ZDHHC14: variants seen among roughly 807,000 people sequenced by gnomAD.
The protein encoded by ZDHHC14 is palmitoyltransferase ZDHHC14.
A neutral mutation model predicts 47.7 loss-of-function variants in ZDHHC14; 16 were observed. That is an observed-to-expected ratio of 0.34 (90% CI 0.23 to 0.51). The LOEUF is 0.51. Ranked by LOEUF, ZDHHC14 falls within the 20% of genes least tolerant of loss-of-function variation. The pLI is 0.97. For synonymous variants in ZDHHC14, 293 were observed against 278.9 expected, an observed-to-expected ratio of 1.05 and a Z score of -0.50; for missense variants, 515 against 662.5, an observed-to-expected ratio of 0.78 and a Z score of 2.44.
intron 8 of ZDHHC14, among the ~76,000 whole-genome samples, chr6:157,663,006 A>G (rs1778409777): frequency 6.6e-6 from 1 of 152,246 alleles, no homozygotes; most frequent in African/African-American, 2.4e-5. Flanking sequence ...GGTTTTTCTT[A>G]CTTCATCAGA....
intron 1 of ZDHHC14, among the ~76,000 whole-genome samples, chr6:157,399,643 A>G (rs143152216): frequency 1.7e-3 from 259 of 152,352 alleles, no homozygotes; most frequent in African/African-American, 5.9e-3. Context: ...ACTTCCCACC[A>G]CTGGAGCGGC....
At chr6:157,613,139 C>T (rs1413749763) in intron 3 of ZDHHC14, among the ~76,000 whole-genome samples, 2 of 152,312 alleles carry the variant, frequency 1.3e-5, no homozygotes, top group Admixed American at 6.5e-5. Context: ...GCAACCTACA[C>T]GTGTATTTAT....
At chr6:157,533,668 A>G in intron 1 of ZDHHC14, among the ~76,000 whole-genome samples, 1 of 152,188 alleles carries the variant, frequency 6.6e-6, no homozygotes, top group East Asian at 1.9e-4. Flanking sequence ...AGTTCTGAGC[A>G]GAGGAGGGAC....
intron 7 of ZDHHC14, among the ~76,000 whole-genome samples, chr6:157,649,021 C>G (rs1777693023): frequency 2.0e-5 from 3 of 152,204 alleles, no homozygotes; most frequent in African/African-American, 7.2e-5. Context: ...AGACCACAAA[C>G]TGTCACAACC....
At chr6:157,625,538 A>G (rs1240752523) in intron 3 of ZDHHC14, among the ~76,000 whole-genome samples, 3 of 152,130 alleles carry the variant, frequency 2.0e-5, no homozygotes, top group African/African-American at 4.8e-5. Flanking sequence ...CCTGGGTGCA[A>G]CTGATCATCA....
intron 2 of ZDHHC14, among the ~76,000 whole-genome samples, chr6:157,543,124 A>G (rs1198843427): frequency 2.0e-5 from 3 of 152,170 alleles, no homozygotes; most frequent in African/African-American, 7.2e-5. Context: ...ACCAGTTTCC[A>G]TGATATAAAT....
chr6:157,499,958 A>T (rs1780158253), intron 1 of ZDHHC14, among the ~76,000 whole-genome samples: 1 of 152,220 alleles, frequency 6.6e-6, no homozygotes, highest in Non-Finnish European at 1.5e-5. Flanking sequence ...CAAGGGGCTT[A>T]TGTTCTAGTA....
chr6:157,627,399 C>T (rs556587592), intron 3 of ZDHHC14, among the ~76,000 whole-genome samples: 1 of 152,344 alleles, frequency 6.6e-6, no homozygotes, highest in South Asian at 2.1e-4. Flanking sequence ...CCAGCCGCCA[C>T]AGGCAGTCTT....
At position 157,479,738 on chromosome 6, in the gene ZDHHC14, A is replaced by G. The variant is rs749053904; in HGVS notation, c.246-62847A>G. 1.3e-5 allele frequency among the ~76,000 whole-genome samples: 2 copies of G among 152,338 alleles called. 1 individual carries two copies. The highest frequency in any genetic ancestry group is 4.1e-4 in the South Asian group (2 of 4,824). ...AAGGGAAAGAATTCACTCGATATGT[A>G]TGAAGTAGAGTTGTGCAAAAACAAA... is the stretch of plus-strand genomic sequence containing the variant. On this transcript the variant is annotated intron_variant, in intron 1 of 8. Coordinates refer to ENST00000359775, the MANE Select transcript of ZDHHC14 (RefSeq NM_024630.3).
At chr6:157,413,801 T>A (rs556658781) in intron 1 of ZDHHC14, among the ~76,000 whole-genome samples, 30 of 152,320 alleles carry the variant, frequency 2.0e-4, no homozygotes, top group African/African-American at 6.3e-4. Flanking sequence ...ATTCCATCCA[T>A]GTGGCTTCTC....
intron 1 of ZDHHC14, among the ~76,000 whole-genome samples, chr6:157,526,545 T>G (rs1468467107): frequency 6.6e-6 from 1 of 152,218 alleles, no homozygotes; most frequent in Non-Finnish European, 1.5e-5. Context: ...GGATAGTACC[T>G]CTCTTGTATC....
chr6:157,447,022 G>T (rs1267817425), intron 1 of ZDHHC14, among the ~76,000 whole-genome samples: 4 of 152,024 alleles, frequency 2.6e-5, no homozygotes, highest in Non-Finnish European at 4.4e-5. Context: ...GGGAGGTTGA[G>T]GCAGGAGAAT....
At chr6:157,576,971 G>C (rs1023496267) in intron 2 of ZDHHC14, among the ~76,000 whole-genome samples, 1 of 152,138 alleles carries the variant, frequency 6.6e-6, no homozygotes, top group African/African-American at 2.4e-5. Context: ...TCATCACCCA[G>C]GTACTACCCC....
At chr6:157,662,192 A>T (rs1365692018) in intron 8 of ZDHHC14, among the ~76,000 whole-genome samples, 2 of 151,626 alleles carry the variant, frequency 1.3e-5, no homozygotes, top group African/African-American at 4.8e-5. Flanking sequence ...TTATTTTATT[A>T]TTTTTTTGAG....
At chr6:157,556,143 G>A (rs1293413265) in intron 2 of ZDHHC14, among the ~76,000 whole-genome samples, 4 of 152,106 alleles carry the variant, frequency 2.6e-5, no homozygotes, top group Admixed American at 1.3e-4. Context: ...GCTGCCAAGC[G>A]TGGCGTACTC....
chr6:157,647,426 C>A, intron 7 of ZDHHC14, 58 bp downstream of exon 7: 3 of 1,414,736 alleles, frequency 2.1e-6, no homozygotes, highest in Non-Finnish European at 2.9e-6. Context: ...AATGCCTCGG[C>A]CGTTAGCACA....
At chr6:157,612,589 G>A (rs1784794565) in intron 3 of ZDHHC14, among the ~76,000 whole-genome samples, 1 of 152,128 alleles carries the variant, frequency 6.6e-6, no homozygotes, top group African/African-American at 2.4e-5. Context: ...CTCTGACCAG[G>A]GTTGTCATGG....
intron 3 of ZDHHC14, among the ~76,000 whole-genome samples, chr6:157,600,206 C>A (rs1295670307): frequency 6.6e-6 from 1 of 152,152 alleles, no homozygotes; most frequent in African/African-American, 2.4e-5. Context: ...ATAAAACCCC[C>A]ACCCTTATTT....
intron 2 of ZDHHC14, among the ~76,000 whole-genome samples, chr6:157,576,315 G>A (rs781601982): frequency 6.6e-5 from 10 of 152,308 alleles, no homozygotes; most frequent in Non-Finnish European, 8.8e-5. Flanking sequence ...TAATTCTCCA[G>A]TGGAAACCGA....
Sources: gnomAD v4.1 joint callset for allele counts (sites outside exome capture counted in the v4.1 genomes callset) on GRCh38, gnomAD v4.1.1 for gene constraint, MANE v1.5 for transcripts, NCBI Gene and HGNC (gene_info 2026-07-23, HGNC 2026-07-21) for gene names.